Variants in RARB observed in about 807,000 individuals in gnomAD.
The protein encoded by RARB is HBV-activated protein.
In RARB, 17 loss-of-function variants were observed where a neutral mutation model predicts 51.9. The observed-to-expected ratio is 0.33, with a 90% CI of 0.22 to 0.49. RARB has a LOEUF of 0.49. RARB is among the 20% of genes least tolerant of loss of function. The probability of loss-of-function intolerance (pLI) is 0.99; values close to 1 mark genes in which losing one functional copy is unlikely to be tolerated. For synonymous variants in RARB, 215 were observed against 195.4 expected (o/e 1.10, Z -0.84); for missense variants, 369 against 550.8 (o/e 0.67, Z 3.30).
At chr3:25,489,902 CTT>C in intron 2 of RARB, among the ~76,000 whole-genome samples, 1 of 152,368 alleles carries the variant, frequency 6.6e-6, no homozygotes, top group East Asian at 1.9e-4. Context: ...GGTCGATACT[CTT>C]AGCATTATCA....
At chr3:25,137,694 TG>T (rs1202865209) in intron 4 of RARB, among the ~76,000 whole-genome samples, 1 of 152,118 alleles carries the variant, frequency 6.6e-6, no homozygotes, top group Non-Finnish European at 1.5e-5. Flanking sequence ...AAGGCCTCTT[TG>T]TTGCAACTTT....
intron 5 of RARB, among the ~76,000 whole-genome samples, chr3:25,376,602 A>T (rs928196302): frequency 1.3e-5 from 2 of 152,220 alleles, no homozygotes; most frequent in South Asian, 4.1e-4. Flanking sequence ...ACCTACCTAC[A>T]CAACTCCCTA....
chr3:25,061,847 T>C (rs1698557997), intron 3 of RARB, among the ~76,000 whole-genome samples: 1 of 151,764 alleles, frequency 6.6e-6, no homozygotes, highest in East Asian at 1.9e-4. Flanking sequence ...AAAAAAGAAC[T>C]TACCCAACTT....
intron 1 of RARB, among the ~76,000 whole-genome samples, chr3:25,445,258 C>T (rs537356803): frequency 6.6e-6 from 1 of 152,244 alleles, no homozygotes; most frequent in African/African-American, 2.4e-5. Context: ...CCAAACACCT[C>T]CTTTTCAAAA....
At chr3:25,253,140 C>G (rs1488584401) in intron 5 of RARB, among the ~76,000 whole-genome samples, 2 of 152,142 alleles carry the variant, frequency 1.3e-5, no homozygotes, top group African/African-American at 2.4e-5. Flanking sequence ...CTTTCTAGTC[C>G]TGTCAACTAC....
chr3:24,986,511 G>T (rs1696797086), intron 2 of RARB, among the ~76,000 whole-genome samples: 1 of 152,174 alleles, frequency 6.6e-6, no homozygotes, highest in Non-Finnish European at 1.5e-5. Flanking sequence ...TGGGATTAAT[G>T]TCCAAATGGG....
chr3:25,587,805 A>T (rs1173214314), intron 5 of RARB, among the ~76,000 whole-genome samples: 1 of 152,254 alleles, frequency 6.6e-6, no homozygotes, highest in Non-Finnish European at 1.5e-5. Context: ...GAATCAGATC[A>T]GGATCTGCCC....
At chr3:25,170,944 G>C (rs1700635170) in intron 4 of RARB, among the ~76,000 whole-genome samples, 1 of 152,050 alleles carries the variant, frequency 6.6e-6, no homozygotes, top group Non-Finnish European at 1.5e-5. Context: ...CTCCTGTCTG[G>C]CGTTTTGTTT....
intron 3 of RARB, among the ~76,000 whole-genome samples, chr3:25,524,435 A>G (rs2125635627): frequency 6.6e-6 from 1 of 152,334 alleles, no homozygotes; most frequent in Middle Eastern, 3.4e-3. Context: ...CATTAGGGTT[A>G]GATTTGCAAA....
chr3:25,081,259 G>T (rs1024162140), intron 3 of RARB, among the ~76,000 whole-genome samples: 1 of 151,712 alleles, frequency 6.6e-6, no homozygotes, highest in Non-Finnish European at 1.5e-5. Context: ...ATTGAATTCA[G>T]GTATGTTCAG....
chr3:25,475,210 T>C (rs1344143160), intron 2 of RARB, among the ~76,000 whole-genome samples: 2 of 152,316 alleles, frequency 1.3e-5, no homozygotes, highest in East Asian at 3.9e-4. Context: ...CAGGTATTCC[T>C]TTGTTATTTG....
In RARB at chr3:24,948,362, T is replaced by C. The variant is rs1182848451; in HGVS notation, c.-380+89610T>C. Among the ~76,000 whole-genome samples the C allele has an allele frequency of 4.6e-5, 7 of 152,204 alleles. No homozygotes were observed. In the South Asian group the frequency reaches 1.2e-3, roughly 27 times the overall value. On this transcript the variant is annotated intron_variant, in intron 2 of 11. Coordinates refer to the RARB transcript ENST00000383772. ...CTAGAACCTCCATTTCCTAGCTAGGTAACATTGTTTTCTTTTCACCTGCAA... is the reference window on the plus strand; with the variant it reads ...CTAGAACCTCCATTTCCTAGCTAGGCAACATTGTTTTCTTTTCACCTGCAA...
intron 2 of RARB, among the ~76,000 whole-genome samples, chr3:24,936,701 T>A (rs566667060): frequency 6.6e-6 from 1 of 152,234 alleles, no homozygotes; most frequent in Non-Finnish European, 1.5e-5. Flanking sequence ...GGCAGAAAAT[T>A]ATGATTTTTG....
intron 2 of RARB, among the ~76,000 whole-genome samples, chr3:24,908,316 T>G (rs936154358): frequency 2.0e-5 from 3 of 152,210 alleles, no homozygotes; most frequent in Non-Finnish European, 4.4e-5. Flanking sequence ...AGGTATTTAT[T>G]TTTTGCAAAT....
chr3:25,367,730 G>A (rs1706167871), intron 5 of RARB, among the ~76,000 whole-genome samples: 1 of 149,928 alleles, frequency 6.7e-6, no homozygotes, highest in African/African-American at 2.5e-5. Flanking sequence ...GAGGGCTGGG[G>A]CAGGAGGATT....
At chr3:25,006,778 G>C (rs1697280496) in intron 2 of RARB, among the ~76,000 whole-genome samples, 1 of 152,116 alleles carries the variant, frequency 6.6e-6, no homozygotes, top group African/African-American at 2.4e-5. Flanking sequence ...GTTACTCCAG[G>C]AGTAGACATT....
At chr3:24,908,065 C>T (rs1209196153) in intron 2 of RARB, among the ~76,000 whole-genome samples, 2 of 152,002 alleles carry the variant, frequency 1.3e-5, no homozygotes, top group Non-Finnish European at 2.9e-5. Flanking sequence ...GTATTCCTTT[C>T]CTGTTCCTAG....
chr3:25,408,310 G>A (rs982648906), intron 5 of RARB, among the ~76,000 whole-genome samples: 4 of 151,972 alleles, frequency 2.6e-5, no homozygotes, highest in South Asian at 4.2e-4. Flanking sequence ...TCTGCATGGC[G>A]GGAGTAGCCT....
In RARB at chr3:25,072,647, T is replaced by G. The variant is rs574543332; in HGVS notation, c.-328+12471T>G. Reference sequence around the variant, plus strand: ...GAACCTCACTGGGTTCTATTGTTTGTGTGAAATTCAGCAGGCTTAGAAATG... The same window carrying G: ...GAACCTCACTGGGTTCTATTGTTTGGGTGAAATTCAGCAGGCTTAGAAATG... On this transcript the variant is annotated intron_variant, in intron 3 of 11. Transcript: ENST00000383772. 5.9e-5 allele frequency among the ~76,000 whole-genome samples: 9 copies of G among 152,306 alleles called. No individual in the cohort carries two copies. The South Asian group carries it at 1.9e-3, about 32-fold the overall frequency.
Sources: allele counts gnomAD v4.1 joint callset (sites outside exome capture counted in the v4.1 genomes callset), GRCh38; gene constraint gnomAD v4.1.1; transcripts MANE v1.5; gene names NCBI Gene and HGNC (gene_info 2026-07-23, HGNC 2026-07-21).